Variants in SLC25A43 observed in about 807,000 individuals in gnomAD.
SLC25A43 encodes the protein solute carrier family 25, member 43.
Under a neutral mutation model 22.8 loss-of-function variants are expected in SLC25A43, and 10 were observed. The observed-to-expected ratio is 0.44, with a 90% confidence interval of 0.27 to 0.74. The LOEUF (loss-of-function observed/expected upper bound fraction) is 0.74, where lower values mean the gene tolerates loss of function less well. Ranked by LOEUF, SLC25A43 falls within the 30% of genes least tolerant of loss-of-function variation. The probability of loss-of-function intolerance (pLI) is 0.17; values close to 1 mark genes in which losing one functional copy is unlikely to be tolerated. For synonymous variants in SLC25A43, 106 were observed against 121.6 expected (o/e 0.87, Z 0.84); for missense variants, 233 against 279.1 (o/e 0.83, Z 1.18).
At chrX:119,402,121 C>T (rs1420339769) in intron 1 of SLC25A43, among the ~76,000 whole-genome samples, 1 of 112,281 alleles carries the variant, frequency 8.9e-6, no homozygotes, top group Admixed American at 9.5e-5. Flanking sequence ...TATACTGATT[C>T]ATTTCTACTC....
chrX:119,432,675 G>T (rs2052562650), intron 3 of SLC25A43, among the ~76,000 whole-genome samples: 1 of 109,022 alleles, frequency 9.2e-6, no homozygotes, highest in Non-Finnish European at 1.9e-5. Flanking sequence ...TCTAATCCCA[G>T]CTACTTGGAG....
chrX:119,443,444 CTCTCT>C (rs1305937549), intron 3 of SLC25A43, among the ~76,000 whole-genome samples: 2 of 58,502 alleles, frequency 3.4e-5, no homozygotes, highest in South Asian at 1.0e-3. Context: ...CTCTCTCTCT[CTCTCT>C]TTTTTTTTTT....
chrX:119,452,492 C>CAAAAAAAAAAAAAAA (rs376677564), intron 4 of SLC25A43, among the ~76,000 whole-genome samples: 1 of 66,076 alleles, frequency 1.5e-5, no homozygotes, highest in Non-Finnish European at 3.0e-5. Flanking sequence ...AACTCCATGA[C>CAAAAAAAAAAAAAAA]AAAAAAAAAA....
At chrX:119,452,240 A>T in intron 4 of SLC25A43, 97 bp downstream of exon 4, 1 of 979,075 alleles carries the variant, frequency 1.0e-6, no homozygotes, top group South Asian at 2.6e-5. Flanking sequence ...TGCTTGGAAA[A>T]CCCCCTCTAG....
intron 3 of SLC25A43, among the ~76,000 whole-genome samples, chrX:119,427,969 TA>T (rs1312648859): frequency 8.9e-6 from 1 of 112,450 alleles, no homozygotes; most frequent in Non-Finnish European, 1.9e-5. Context: ...TGCTGAAAAG[TA>T]AACCTCTCTA....
At chrX:119,411,841 C>T (rs943119486) in intron 3 of SLC25A43, among the ~76,000 whole-genome samples, 3 of 111,596 alleles carry the variant, frequency 2.7e-5, no homozygotes, top group African/African-American at 9.8e-5. Context: ...ACGTAACAAA[C>T]CTGCACATCC....
intron 3 of SLC25A43, among the ~76,000 whole-genome samples, chrX:119,449,314 T>C (rs1356485278): frequency 9.4e-6 from 1 of 106,164 alleles, no homozygotes; most frequent in Non-Finnish European, 1.9e-5. Flanking sequence ...CTTGGGAGGC[T>C]GAGGCAGGAG....
chrX:119,432,727 G>A (rs1377496173), intron 3 of SLC25A43, among the ~76,000 whole-genome samples: 1 of 106,512 alleles, frequency 9.4e-6, no homozygotes, highest in Non-Finnish European at 1.9e-5. Flanking sequence ...GACAGAGGTT[G>A]CAGTAAGCCA....
intron 3 of SLC25A43, among the ~76,000 whole-genome samples, chrX:119,443,722 TTTTATTTATTTA>T (rs771760005): frequency 0.017 from 1,812 of 106,772 alleles, 30 homozygotes; most frequent in Non-Finnish European, 0.029. Flanking sequence ...GAGAATTATT[TTTTATTTATTTA>T]TTTATTTATT....
chrX:119,452,189 T>C (rs1438361227), intron 4 of SLC25A43, 46 bp downstream of exon 4: 6 of 1,148,818 alleles, frequency 5.2e-6, no homozygotes, highest in Non-Finnish European at 6.9e-6. Flanking sequence ...CTCTTCCAAT[T>C]CTACCCTCTT....
At chrX:119,418,075 T>C (rs1294243069) in intron 3 of SLC25A43, among the ~76,000 whole-genome samples, 4 of 111,246 alleles carry the variant, frequency 3.6e-5, no homozygotes, top group Non-Finnish European at 7.5e-5. Flanking sequence ...CATCACCTGA[T>C]TGGAGCCTGA....
intron 1 of SLC25A43, among the ~76,000 whole-genome samples, chrX:119,402,957 CTA>C (rs1375970861): frequency 9.0e-6 from 1 of 111,473 alleles, no homozygotes; most frequent in African/African-American, 3.3e-5. Context: ...TATTGAGACT[CTA>C]TAAAAGAAAC....
At chrX:119,429,589 C>T (rs1394516530) in intron 3 of SLC25A43, among the ~76,000 whole-genome samples, 1 of 111,750 alleles carries the variant, frequency 8.9e-6, no homozygotes, top group Non-Finnish European at 1.9e-5. Flanking sequence ...GAGGCCAAAA[C>T]CATAAACACA....
chrX:119,422,602 A>G (rs1343601008), intron 3 of SLC25A43, among the ~76,000 whole-genome samples: 1 of 112,039 alleles, frequency 8.9e-6, no homozygotes, highest in East Asian at 2.8e-4. Flanking sequence ...AAGTTTAGGG[A>G]CAGCTTAGGA....
At chrX:119,432,784 T>TAAAA (rs35181029) in intron 3 of SLC25A43, among the ~76,000 whole-genome samples, 149 of 71,410 alleles carry the variant, frequency 2.1e-3, no homozygotes, top group African/African-American at 6.9e-3. Flanking sequence ...CGAGATTCCA[T>TAAAA]AAAAAAAAAA....
chrX:119,413,970 A>G (rs1262838531), intron 3 of SLC25A43, among the ~76,000 whole-genome samples: 1 of 111,732 alleles, frequency 8.9e-6, no homozygotes, highest in East Asian at 2.8e-4. Context: ...AGGTCACAAA[A>G]TATGAACAAT....
At position 119,410,345 on chromosome X, in the gene SLC25A43, G is replaced by C. The variant is rs755141510; in HGVS notation, c.673G>C (p.Val225Leu). Residue 225 changes from valine to leucine, a missense_variant, in exon 3 of 5, where the codon GTG becomes CTG. By Grantham distance (32) the Val-to-Leu change is conservative (BLOSUM62 1). Coordinates refer to ENST00000217909, the MANE Select transcript of SLC25A43 (RefSeq NM_145305.3). ...TQTLSFPFET[V>L]KRKMQAQSPY... is the part of the protein sequence containing the mutation. ...GACCCTCTCCTTTCCCTTTGAGACC[G>C]TGAAGAGAAAGATGCAGGTGAGGAG... The C allele has an allele frequency of 8.3e-7, 1 of 1,211,257 alleles. No homozygotes were observed.
At chrX:119,406,401 G>A in intron 1 of SLC25A43, 59 bp from the exon 2 acceptor site, 2 of 1,168,369 alleles carry the variant, frequency 1.7e-6, no homozygotes, top group Non-Finnish European at 2.3e-6. Context: ...AACTAGTGGA[G>A]AGAACTCTAG....
intron 3 of SLC25A43, among the ~76,000 whole-genome samples, chrX:119,449,679 G>A (rs768652954): frequency 1.5e-4 from 17 of 110,987 alleles, no homozygotes; most frequent in African/African-American, 3.9e-4. Context: ...GCAGTGAGCC[G>A]TTATTGCACC....
Sources: gnomAD v4.1 joint callset for allele counts (sites outside exome capture counted in the v4.1 genomes callset) on GRCh38, gnomAD v4.1.1 for gene constraint, MANE v1.5 for transcripts, NCBI Gene and HGNC (gene_info 2026-07-23, HGNC 2026-07-21) for gene names.